SLC41A1: variants seen among roughly 807,000 people sequenced by gnomAD.
The protein encoded by SLC41A1 is solute carrier family 41 (magnesium transporter), member 1.
SLC41A1 carries 20 observed loss-of-function variants against 47.3 expected under a neutral mutation model. The observed-to-expected ratio is 0.42, with a 90% CI of 0.30 to 0.61. SLC41A1 has a LOEUF of 0.61. SLC41A1 is among the 20% of genes least tolerant of loss of function. The pLI is 0.17. For synonymous variants in SLC41A1, 282 were observed against 272.7 expected (o/e 1.03, Z -0.34); for missense variants, 504 against 674.1 (o/e 0.75, Z 2.79).
chr1:205,793,712 C>G (rs1001315904), intron 10 of SLC41A1, among the ~76,000 whole-genome samples: 2 of 152,028 alleles, frequency 1.3e-5, no homozygotes, highest in Middle Eastern at 3.2e-3. Flanking sequence ...GGAATGATCT[C>G]AAAGATAAAC....
chr1:205,793,599 T>A (rs956684156), intron 10 of SLC41A1, among the ~76,000 whole-genome samples: 1 of 152,206 alleles, frequency 6.6e-6, no homozygotes, highest in African/African-American at 2.4e-5. Flanking sequence ...GGGATAGGTG[T>A]TAATCAATAC....
At chr1:205,796,785 T>TA (rs1469276921) in intron 8 of SLC41A1, 139 bp downstream of exon 8, 16 of 832,568 alleles carry the variant, frequency 1.9e-5, no homozygotes, top group Non-Finnish European at 3.2e-5. Flanking sequence ...AGTCCCTTCA[T>TA]TAAGGTCTTG....
chr1:205,797,103 G>A, intron 7 of SLC41A1, 100 bp from the exon 8 acceptor site: 1 of 1,050,970 alleles, frequency 9.5e-7, no homozygotes. Flanking sequence ...TGGAGATGAA[G>A]GGAAGCACCA....
chr1:205,804,428 C>A (rs534113971), intron 2 of SLC41A1, among the ~76,000 whole-genome samples: 2 of 152,272 alleles, frequency 1.3e-5, no homozygotes, highest in Non-Finnish European at 2.9e-5. Flanking sequence ...TGCCCCCCAT[C>A]TCAACAACAG....
intron 2 of SLC41A1, among the ~76,000 whole-genome samples, chr1:205,808,297 G>A (rs1656063186): frequency 6.6e-6 from 1 of 152,126 alleles, no homozygotes. Flanking sequence ...CATGGCCATG[G>A]CGAAGGCCAC....
At chr1:205,808,969 G>T (rs1656079204) in intron 2 of SLC41A1, among the ~76,000 whole-genome samples, 1 of 152,206 alleles carries the variant, frequency 6.6e-6, no homozygotes. Flanking sequence ...CTTGGCACAG[G>T]GAAGGTGATG....
intron 7 of SLC41A1, 60 bp from the exon 8 acceptor site, chr1:205,797,063 T>C: frequency 2.0e-6 from 3 of 1,494,370 alleles, no homozygotes; most frequent in Non-Finnish European, 2.8e-6. Flanking sequence ...CCTTAGTCTC[T>C]GGGATGAGAG....
In SLC41A1 at chr1:205,796,956, G is replaced by A; in HGVS notation, c.1040C>T (p.Ala347Val). 1 of 1,613,338 alleles carries A rather than the reference G, an allele frequency of 6.2e-7. No individual in the cohort carries two copies. The highest frequency in any genetic ancestry group is 1.1e-5 in the South Asian group (1 of 90,778). ...CACAGGCGTGAAGACAGCCATCCCA[G>A]CAAAGTTGGGGTCTGAGACAGTCTT... Reference protein sequence around the residue: ...LDKTVSDPNFAGMAVFTPVIN... With the variant: ...LDKTVSDPNFVGMAVFTPVIN... Residue 347 changes from alanine (A) to valine (V), a missense_variant, in exon 8 of 11, where the codon GCT becomes GTT. This residue lies in a region of SLC41A1 where 421 missense variants were observed against 601.6 expected (regional missense o/e 0.70). Coordinates refer to ENST00000367137, the MANE Select transcript of SLC41A1 (RefSeq NM_173854.6).
At chr1:205,807,565 C>T (rs921481863) in intron 2 of SLC41A1, among the ~76,000 whole-genome samples, 3 of 151,336 alleles carry the variant, frequency 2.0e-5, no homozygotes, top group Admixed American at 2.0e-4. Context: ...TTCTTGCTCA[C>T]TTCAGAAGAT....
In SLC41A1 at chr1:205,799,045, C is replaced by A. The variant is rs969464423; in HGVS notation, c.609G>T (p.Trp203Cys). The change falls in exon 5 of 11, where the codon TGG (tryptophan) becomes TGT (cysteine). Residue 203 changes from tryptophan to cysteine, a missense_variant. Transcript: ENST00000367137. ...GAATACTGAAGTGGCCATCAGGGAT[C>A]CAGCCAAAGACGACGGCTGCGATGG... The part of the protein sequence containing the change: ...LASIAAVVFG[W>C]IPDGHFSIPH... 7 of 1,613,632 alleles carry A rather than the reference C, an allele frequency of 4.3e-6. No homozygotes were observed. Among genetic ancestry groups the A allele is most frequent in the Non-Finnish European group, 5.9e-6 (7 of 1,180,016 alleles).
At chr1:205,802,807 G>GGTGGCGCTTCCAATT (rs1655921077) in intron 2 of SLC41A1, among the ~76,000 whole-genome samples, 3 of 151,718 alleles carry the variant, frequency 2.0e-5, no homozygotes, top group Admixed American at 6.6e-5. Flanking sequence ...AGATTAGTAA[G>GGTGGCGCTTCCAATT]AGATCACCTC....
rs750364734 is a variant in SLC41A1, at chr1:205,799,721, G to A, written c.552+38C>T. The A allele has an allele frequency of 5.0e-6, 8 of 1,606,854 alleles. No homozygotes were observed. The Admixed American group carries it at 1.2e-4, about 24-fold the overall frequency. ...CCTTTCAGAGATTCCTGACTAAGGG[G>A]AAGCTTAGCCCACCCTCTCTGGTCC... is the stretch of plus-strand genomic sequence containing the variant. On this transcript the variant is annotated intron_variant, in intron 4 of 10. Coordinates refer to ENST00000367137, the MANE Select transcript of SLC41A1 (RefSeq NM_173854.6).
intron 2 of SLC41A1, among the ~76,000 whole-genome samples, chr1:205,806,406 A>G (rs1001681496): frequency 2.0e-5 from 3 of 152,200 alleles, no homozygotes; most frequent in Middle Eastern, 3.2e-3. Flanking sequence ...TACTTTGTTC[A>G]AGATCCTTAG....
At chr1:205,804,751 A>G (rs1186993176) in intron 2 of SLC41A1, among the ~76,000 whole-genome samples, 1 of 152,060 alleles carries the variant, frequency 6.6e-6, no homozygotes, top group East Asian at 1.9e-4. Flanking sequence ...ACAGCCTCAG[A>G]GCTCATCTTC....
intron 8 of SLC41A1, chr1:205,796,241 G>T (rs932238104): frequency 6.3e-6 from 1 of 158,392 alleles, no homozygotes; most frequent in African/African-American, 2.4e-5. Flanking sequence ...CCATGTTGGG[G>T]GCAAAGACAG....
chr1:205,808,673 C>T lies in SLC41A1; in HGVS notation c.372+1397G>A, dbSNP rs573111733. On this transcript the variant is annotated intron_variant, in intron 2 of 10. Transcript: ENST00000367137. ...TCCCGGCCCTAGGGGGAGGAGCAGC[C>T]CCTAGCAGGAGGAACCCAAAGCTCC... is the stretch of plus-strand genomic sequence containing the variant. Among the ~76,000 whole-genome samples, 8 of 152,304 alleles carry T rather than the reference C, an allele frequency of 5.3e-5. No individual in the cohort carries two copies. In the East Asian group the frequency reaches 1.2e-3, roughly 22 times the overall value.
Position 205,799,806 on chromosome 1 carries a change from G to T in SLC41A1, c.505C>A (p.Pro169Thr). Residue 169 changes from proline (P) to threonine (T), a missense_variant, in exon 4 of 11, where the codon CCC becomes ACC. Physicochemically the swap from Pro to Thr is conservative, Grantham distance 38. Transcript: ENST00000367137. ...TAANIGHMDT[P>T]KELWRMITGN... ...GTGATCATCCGCCAGAGCTCCTTGG[G>T]TGTGTCCATGTGTCCAATGTTGGCC... 1.9e-6 allele frequency: 3 copies of T among 1,614,144 alleles called. No individual in the cohort carries two copies. The highest frequency in any genetic ancestry group is 2.5e-6 in the Non-Finnish European group (3 of 1,179,996).
chr1:205,805,393 G>A (rs1655992561), intron 2 of SLC41A1, among the ~76,000 whole-genome samples: 1 of 152,134 alleles, frequency 6.6e-6, no homozygotes, highest in African/African-American at 2.4e-5. Flanking sequence ...TGGCCTTAAG[G>A]TTAGGAGTAG....
intron 8 of SLC41A1, chr1:205,796,377 G>A (rs528617166): frequency 5.5e-6 from 1 of 182,226 alleles, no homozygotes; most frequent in South Asian, 1.2e-4. Flanking sequence ...GCCTTTAAGA[G>A]TGAATAGGTT....
Sources: allele counts gnomAD v4.1 joint callset (sites outside exome capture counted in the v4.1 genomes callset), GRCh38; gene constraint gnomAD v4.1.1; regional missense constraint gnomAD v4.1.1; transcripts MANE v1.5; gene names NCBI Gene and HGNC (gene_info 2026-07-23, HGNC 2026-07-21).